The following SHISA6 variants were observed in gnomAD, a reference collection of about 807,000 sequenced individuals.
SHISA6 encodes protein shisa-6.
Under a neutral mutation model 47.9 loss-of-function variants are expected in SHISA6, and 22 were observed. That is an observed-to-expected ratio of 0.46 (90% CI 0.33 to 0.66). SHISA6 has a LOEUF of 0.66. Ranked by LOEUF, SHISA6 falls within the 30% of genes least tolerant of loss-of-function variation. SHISA6 has a pLI of 0.02. For synonymous variants in SHISA6, 388 were observed against 337.8 expected, an observed-to-expected ratio of 1.15 and a Z score of -1.63; for missense variants, 680 against 764.6, an observed-to-expected ratio of 0.89 and a Z score of 1.30.
At chr17:11,502,274 T>C (rs1667845635) in intron 3 of SHISA6, among the ~76,000 whole-genome samples, 2 of 150,836 alleles carry the variant, frequency 1.3e-5, no homozygotes, top group South Asian at 4.2e-4. Flanking sequence ...CCGGGCGTGG[T>C]AGCGGGCGCC....
chr17:11,347,193 G>GA (rs766021427), intron 2 of SHISA6, among the ~76,000 whole-genome samples: 130 of 141,350 alleles, frequency 9.2e-4, no homozygotes, highest in African/African-American at 2.5e-3. Flanking sequence ...TTTTTTGAGG[G>GA]AAAAAAAAAA....
At chr17:11,327,246 A>G (rs1335249743) in intron 2 of SHISA6, among the ~76,000 whole-genome samples, 1 of 152,208 alleles carries the variant, frequency 6.6e-6, no homozygotes, top group East Asian at 1.9e-4. Flanking sequence ...ATGAATACAC[A>G]TTAATCTGGA....
chr17:11,293,845 A>G (rs540990189), intron 2 of SHISA6, among the ~76,000 whole-genome samples: 1 of 152,216 alleles, frequency 6.6e-6, no homozygotes, highest in Non-Finnish European at 1.5e-5. Context: ...GTTCGAATAA[A>G]TTATTATTGG....
At chr17:11,459,140 A>C (rs2142312193) in intron 3 of SHISA6, among the ~76,000 whole-genome samples, 1 of 150,370 alleles carries the variant, frequency 6.7e-6, no homozygotes, top group East Asian at 2.0e-4. Flanking sequence ...AATGGCATGA[A>C]CCTGGGAGGT....
intron 3 of SHISA6, among the ~76,000 whole-genome samples, chr17:11,453,603 A>G (rs572664546): frequency 2.6e-5 from 4 of 152,340 alleles, no homozygotes; most frequent in East Asian, 1.9e-4. Flanking sequence ...ATTAGTTTTC[A>G]TCTCTGCCTC....
intron 3 of SHISA6, among the ~76,000 whole-genome samples, chr17:11,470,612 C>A (rs1367244779): frequency 6.6e-6 from 1 of 150,784 alleles, no homozygotes; most frequent in African/African-American, 2.4e-5. Context: ...CAGCCTCCAC[C>A]AACAGCAGGT....
At chr17:11,526,957 A>T (rs1259659277) in intron 3 of SHISA6, among the ~76,000 whole-genome samples, 1 of 141,222 alleles carries the variant, frequency 7.1e-6, no homozygotes, top group Non-Finnish European at 1.5e-5. Context: ...AAATCAGGGT[A>T]TTTAGGCTAT....
At chr17:11,492,077 A>T (rs1303235487) in intron 3 of SHISA6, among the ~76,000 whole-genome samples, 1 of 152,042 alleles carries the variant, frequency 6.6e-6, no homozygotes, top group Non-Finnish European at 1.5e-5. Flanking sequence ...CCGCTGGTGA[A>T]GGTTTTTGAA....
intron 2 of SHISA6, among the ~76,000 whole-genome samples, chr17:11,352,763 A>G (rs953431086): frequency 2.0e-5 from 3 of 152,188 alleles, no homozygotes; most frequent in Non-Finnish European, 4.4e-5. Context: ...GATGTAGGTC[A>G]AACAGTGGTT....
intron 2 of SHISA6, among the ~76,000 whole-genome samples, chr17:11,329,350 T>C: frequency 6.6e-6 from 1 of 152,208 alleles, no homozygotes; most frequent in East Asian, 1.9e-4. Context: ...ATCTTAAAAA[T>C]GTAAATCGAC....
chr17:11,365,314 G>A (rs1055877117), intron 2 of SHISA6, among the ~76,000 whole-genome samples: 1 of 152,080 alleles, frequency 6.6e-6, no homozygotes, highest in African/African-American at 2.4e-5. Context: ...GTCTCACTCT[G>A]TTACCCAGGC....
intron 2 of SHISA6, among the ~76,000 whole-genome samples, chr17:11,325,573 G>C (rs1910852701): frequency 6.6e-6 from 1 of 151,544 alleles, no homozygotes; most frequent in Non-Finnish European, 1.5e-5. Flanking sequence ...TAGGGGGAAA[G>C]AAACATTTCT....
intron 3 of SHISA6, among the ~76,000 whole-genome samples, chr17:11,396,874 G>A (rs147246685): frequency 0.036 from 5,421 of 152,140 alleles, 176 homozygotes; most frequent in Admixed American, 0.087. Flanking sequence ...AAACCTGCAC[G>A]TTCTGCACAT....
intron 2 of SHISA6, among the ~76,000 whole-genome samples, chr17:11,303,826 G>A (rs186983884): frequency 1.3e-5 from 2 of 152,314 alleles, no homozygotes; most frequent in Non-Finnish European, 2.9e-5. Flanking sequence ...TGAGTTGGGG[G>A]TAAATGTGGG....
Position 11,397,254 on chromosome 17 carries a change from C to T in SHISA6, c.895+17745C>T, listed in dbSNP as rs538544103. Among the ~76,000 whole-genome samples the T allele has an allele frequency of 3.6e-4, 55 of 152,104 alleles. No homozygotes were observed. In the South Asian group the frequency reaches 4.6e-3, roughly 13 times the overall value. ...AATTTTATTGGTATTTCTTAACTTA[C>T]ACTTCCTGCCTATACAACAATCAAT... is the stretch of plus-strand genomic sequence containing the variant. On this transcript the variant is annotated intron_variant, in intron 3 of 5. Transcript: ENST00000441885.
intron 2 of SHISA6, among the ~76,000 whole-genome samples, chr17:11,363,006 C>T (rs1375826071): frequency 6.6e-6 from 1 of 152,050 alleles, no homozygotes; most frequent in East Asian, 1.9e-4. Flanking sequence ...AAATGGATAC[C>T]CTCTGCCTCC....
intron 3 of SHISA6, among the ~76,000 whole-genome samples, chr17:11,410,633 C>G (rs113234002): frequency 6.6e-6 from 1 of 151,970 alleles, no homozygotes; most frequent in Non-Finnish European, 1.5e-5. Context: ...ATATTGGACG[C>G]CCCCTTCATC....
At chr17:11,311,913 T>C (rs1454077576) in intron 2 of SHISA6, among the ~76,000 whole-genome samples, 1 of 151,998 alleles carries the variant, frequency 6.6e-6, no homozygotes, top group Admixed American at 6.6e-5. Context: ...GTAGCTGGGA[T>C]TACAGGTATG....
At chr17:11,369,492 GAGA>G (rs1386964733) in intron 2 of SHISA6, among the ~76,000 whole-genome samples, 6 of 152,338 alleles carry the variant, frequency 3.9e-5, no homozygotes, top group East Asian at 1.9e-4. Flanking sequence ...TGCAGAATGT[GAGA>G]AGAAGTCAAG....
Sources: allele counts gnomAD v4.1 joint callset (sites outside exome capture counted in the v4.1 genomes callset), GRCh38; gene constraint gnomAD v4.1.1; transcripts MANE v1.5; gene names NCBI Gene and HGNC (gene_info 2026-07-23, HGNC 2026-07-21).